The following SGCD variants were observed in gnomAD, a reference collection of about 807,000 sequenced individuals.
SGCD encodes the protein sarcoglycan delta.
A neutral mutation model predicts 36.6 loss-of-function variants in SGCD; 18 were observed. That is an observed-to-expected ratio of 0.49 (90% confidence interval 0.34 to 0.73). SGCD has a LOEUF of 0.73. Among genes scored for constraint, SGCD ranks in the 30% least tolerant of loss-of-function variants. The pLI is 0.01. For missense variants in SGCD, 387 were observed against 346.7 expected, an observed-to-expected ratio of 1.12 and a Z score of -0.92; for synonymous variants, 133 against 130.6, an observed-to-expected ratio of 1.02 and a Z score of -0.12.
intron 3 of SGCD, among the ~76,000 whole-genome samples, chr5:156,209,627 A>G (rs1047695747): frequency 1.3e-5 from 2 of 152,096 alleles, no homozygotes; most frequent in African/African-American, 4.8e-5. Context: ...TTTCAAGATC[A>G]CTCCTGTAAA....
At chr5:156,635,675 C>CGT (rs1762799984) in intron 6 of SGCD, among the ~76,000 whole-genome samples, 1 of 152,052 alleles carries the variant, frequency 6.6e-6, no homozygotes, top group African/African-American at 2.4e-5. Flanking sequence ...GAAAATGTGG[C>CGT]ACCTATACAC....
At chr5:156,136,953 A>G (rs1360053454) in intron 3 of SGCD, among the ~76,000 whole-genome samples, 3 of 152,352 alleles carry the variant, frequency 2.0e-5, no homozygotes, top group Admixed American at 2.0e-4. Context: ...AGAAATCAAG[A>G]AACCACTCAG....
chr5:156,014,812 A>G (rs1442624803), intron 1 of SGCD, among the ~76,000 whole-genome samples: 1 of 152,002 alleles, frequency 6.6e-6, no homozygotes, highest in Admixed American at 6.6e-5. Context: ...TCATGCTATG[A>G]CGTTTTTGAC....
chr5:156,325,287 T>A, upstream of SGCD, among the ~76,000 whole-genome samples: 1 of 151,932 alleles, frequency 6.6e-6, no homozygotes, highest in African/African-American at 2.4e-5. Context: ...CTCAAATACT[T>A]TATTCTAGAA....
rs76483499 is a variant in SGCD, at chr5:156,288,037, G to C, written c.-43-41497G>C. ...AATACATTCTCAAAACATTCTATGA[G>C]GACTAAGAGAACCTAAAAACATAAA... On this transcript the variant is annotated intron_variant, in intron 3 of 9. Coordinates refer to the SGCD transcript ENST00000517913. Among the ~76,000 whole-genome samples, 839 of 152,244 alleles carry C rather than the reference G, an allele frequency of 5.5e-3. 2 individuals carry two copies. Among genetic ancestry groups the C allele is most frequent in the African/African-American group, 0.018 (751 of 41,560 alleles).
chr5:155,751,901 A>G, the SGCD span, among the ~76,000 whole-genome samples: 112 of 152,290 alleles, frequency 7.4e-4, no homozygotes, highest in African/African-American at 2.5e-3. Context: ...AGTCAAACCT[A>G]TGGCCCACTG....
rs140713421 is a variant in SGCD, at chr5:156,056,418, A to G, written c.-281-61460A>G. On this transcript the variant is annotated intron_variant, in intron 1 of 9. Transcript: ENST00000517913. ...TTCTCCAGTTGTTCCTATGAATAAC[A>G]TCAATATTGTAGGACCTAATATCAG... Among the ~76,000 whole-genome samples the G allele has an allele frequency of 2.5e-3, 357 of 145,220 alleles. 21 individuals carry two copies. The highest frequency in any genetic ancestry group is 5.5e-3 in the African/African-American group (223 of 40,444).
intron 3 of SGCD, among the ~76,000 whole-genome samples, chr5:156,505,668 C>A (rs1346490703): frequency 1.3e-5 from 2 of 152,048 alleles, no homozygotes; most frequent in African/African-American, 4.8e-5. Context: ...ACTGGAGAAA[C>A]TAGAAACCTG....
intron 4 of SGCD, among the ~76,000 whole-genome samples, chr5:156,537,018 C>T: frequency 6.6e-6 from 1 of 152,138 alleles, no homozygotes; most frequent in East Asian, 1.9e-4. Context: ...AATATTTAAG[C>T]TGACTTCCTC....
chr5:156,581,062 T>C (rs1310337116), intron 4 of SGCD, among the ~76,000 whole-genome samples: 3 of 152,212 alleles, frequency 2.0e-5, no homozygotes, highest in Non-Finnish European at 4.4e-5. Flanking sequence ...GTCTTTGATG[T>C]TGGTGACCTT....
the SGCD span, among the ~76,000 whole-genome samples, chr5:155,737,572 T>C: frequency 6.6e-6 from 1 of 152,206 alleles, no homozygotes; most frequent in Non-Finnish European, 1.5e-5. Flanking sequence ...AACACTTACC[T>C]AGTCTGACAC....
At chr5:156,535,629 T>C (rs1446082568) in intron 4 of SGCD, among the ~76,000 whole-genome samples, 1 of 152,204 alleles carries the variant, frequency 6.6e-6, no homozygotes, top group East Asian at 1.9e-4. Context: ...TGCTTTCCAG[T>C]TGAAGACAAC....
chr5:156,557,781 A>G (rs1318622620), intron 4 of SGCD, among the ~76,000 whole-genome samples: 1 of 152,036 alleles, frequency 6.6e-6, no homozygotes, highest in African/African-American at 2.4e-5. Flanking sequence ...CAAGCTGTAC[A>G]TAGTATTTTC....
intron 7 of SGCD, among the ~76,000 whole-genome samples, chr5:156,750,853 G>GAAAT (rs1223722962): frequency 6.6e-6 from 1 of 151,986 alleles, no homozygotes; most frequent in African/African-American, 2.4e-5. Flanking sequence ...AGGAGAATGA[G>GAAAT]AAATACTTTT....
intron 3 of SGCD, among the ~76,000 whole-genome samples, chr5:156,233,762 A>G (rs553192118): frequency 5.9e-5 from 9 of 152,250 alleles, no homozygotes; most frequent in South Asian, 4.2e-4. Context: ...GTGCCTGCCT[A>G]TAGTCCCAGT....
At chr5:156,654,461 A>C (rs1216772152) in intron 7 of SGCD, among the ~76,000 whole-genome samples, 1 of 152,164 alleles carries the variant, frequency 6.6e-6, no homozygotes, top group Non-Finnish European at 1.5e-5. Flanking sequence ...TCATTAATAA[A>C]AACTCAGGGA....
intron 6 of SGCD, among the ~76,000 whole-genome samples, chr5:156,646,162 C>G (rs1461158104): frequency 6.6e-6 from 1 of 152,082 alleles, no homozygotes. Flanking sequence ...AGAACATAAT[C>G]AAAGGGTATT....
chr5:156,629,138 G>A (rs1581284543), intron 6 of SGCD, among the ~76,000 whole-genome samples: 1 of 152,152 alleles, frequency 6.6e-6, no homozygotes, highest in East Asian at 1.9e-4. Flanking sequence ...AATAGTATAG[G>A]TAAAGTGATT....
At chr5:155,928,187 G>A (rs1258736088) in intron 1 of SGCD, among the ~76,000 whole-genome samples, 1 of 152,096 alleles carries the variant, frequency 6.6e-6, no homozygotes, top group African/African-American at 2.4e-5. Flanking sequence ...TTCCTAGGTG[G>A]CCCTCTTTAA....
Sources: allele counts gnomAD v4.1 joint callset (sites outside exome capture counted in the v4.1 genomes callset), GRCh38; gene constraint gnomAD v4.1.1; transcripts MANE v1.5; gene names NCBI Gene and HGNC (gene_info 2026-07-23, HGNC 2026-07-21).